The following KALRN variants were observed in gnomAD, a reference collection of about 807,000 sequenced individuals.
KALRN encodes kalirin RhoGEF kinase.
Under a neutral mutation model 353.7 loss-of-function variants are expected in KALRN, and 70 were observed. The observed-to-expected ratio is 0.20, with a 90% CI of 0.16 to 0.24. KALRN has a LOEUF of 0.24. KALRN is among the 10% of genes least tolerant of loss of function. The probability of loss-of-function intolerance (pLI) is 1.00; values close to 1 mark genes in which losing one functional copy is unlikely to be tolerated. For synonymous variants in KALRN, 1,391 were observed against 1,434.8 expected, an observed-to-expected ratio of 0.97 and a Z score of 0.69; for missense variants, 2,791 against 3,756.7, an observed-to-expected ratio of 0.74 and a Z score of 6.72.
chr3:124,565,072 G>C (rs1383830766), intron 34 of KALRN, among the ~76,000 whole-genome samples: 1 of 152,156 alleles, frequency 6.6e-6, no homozygotes, highest in Non-Finnish European at 1.5e-5. Context: ...AAAACACTCC[G>C]GTGTCTGGAG....
chr3:124,415,619 T>C (rs1169552890), intron 14 of KALRN, among the ~76,000 whole-genome samples: 1 of 152,140 alleles, frequency 6.6e-6, no homozygotes, highest in African/African-American at 2.4e-5. Flanking sequence ...AGTCTAAGGG[T>C]CAAAGAATTC....
intron 6 of KALRN, among the ~76,000 whole-genome samples, chr3:124,302,294 C>T (rs1356389891): frequency 6.6e-6 from 1 of 152,106 alleles, no homozygotes; most frequent in African/African-American, 2.4e-5. Flanking sequence ...TATATAATTA[C>T]AAACCAATAA....
At position 124,531,417 on chromosome 3, in the gene KALRN, G is replaced by A. The variant is rs113863747; in HGVS notation, c.4936-31426G>A. On this transcript the variant is annotated intron_variant, in intron 33 of 59. Coordinates refer to ENST00000682506, the MANE Select transcript of KALRN (RefSeq NM_001388419.1). The stretch of plus-strand genomic sequence containing the variant: ...TTTCCAATTTACACCTTGAAGTAGT[G>A]TTATTTATGTTTAGCTCATGGTTTG... Among the ~76,000 whole-genome samples the A allele has an allele frequency of 4.3e-3, 654 of 152,320 alleles. 3 individuals carry two copies. Among genetic ancestry groups the A allele is most frequent in the African/African-American group, 0.015 (641 of 41,584 alleles).
At chr3:124,183,420 T>A (rs1347342745) in intron 1 of KALRN, among the ~76,000 whole-genome samples, 3 of 152,044 alleles carry the variant, frequency 2.0e-5, no homozygotes, top group Non-Finnish European at 4.4e-5. Context: ...GGTGCTACAC[T>A]TTACAGTAAC....
intron 1 of KALRN, among the ~76,000 whole-genome samples, chr3:124,144,399 A>G (rs1484879414): frequency 1.3e-5 from 2 of 152,052 alleles, no homozygotes; most frequent in African/African-American, 4.8e-5. Flanking sequence ...CTTCTGTGTC[A>G]TCTGTGCATC....
chr3:124,694,112 C>G (rs909068454), intron 52 of KALRN, among the ~76,000 whole-genome samples: 1 of 152,134 alleles, frequency 6.6e-6, no homozygotes, highest in Non-Finnish European at 1.5e-5. Flanking sequence ...TGGAGCTTTT[C>G]TTTCTTTCTG....
At chr3:124,596,721 A>C (rs1198685228) in intron 34 of KALRN, among the ~76,000 whole-genome samples, 5 of 152,134 alleles carry the variant, frequency 3.3e-5, no homozygotes, top group African/African-American at 9.7e-5. Flanking sequence ...CCTGTGGTAA[A>C]TCTAGGTAGG....
chr3:124,689,257 A>T (rs1045550984), intron 51 of KALRN, among the ~76,000 whole-genome samples: 38 of 152,096 alleles, frequency 2.5e-4, no homozygotes, highest in African/African-American at 8.2e-4. Flanking sequence ...CCCAGGCAAC[A>T]GTTGCCCAGT....
At chr3:124,323,925 T>A (rs960476441) in intron 6 of KALRN, among the ~76,000 whole-genome samples, 3 of 152,164 alleles carry the variant, frequency 2.0e-5, no homozygotes, top group African/African-American at 7.2e-5. Flanking sequence ...GCTGCCTGCA[T>A]TTATCGGCGG....
At chr3:124,366,860 GGGGCGGCTGGCCGGGCGGGGGGCT>G (rs1331394977) in intron 10 of KALRN, among the ~76,000 whole-genome samples, 33 of 141,436 alleles carry the variant, frequency 2.3e-4, no homozygotes, top group Middle Eastern at 3.8e-3. Context: ...CCTCCCGGAC[GGGGCGGCTGGCCGGGCGGGGGGCT>G]GACCCCCCCA....
chr3:124,679,816 T>C lies in KALRN; in HGVS notation c.7377+299T>C, dbSNP rs1166219844. On this transcript the variant is annotated intron_variant, in intron 51 of 59. Transcript: ENST00000682506. ...GTAGAAAATATCCAATTTCATTATTTGAAACTTAGAACACATTTTTTCATG... is the reference window on the plus strand; with the variant it reads ...GTAGAAAATATCCAATTTCATTATTCGAAACTTAGAACACATTTTTTCATG... 6.7e-6 allele frequency: 3 copies of C among 446,434 alleles called. No homozygotes were observed. In the East Asian group the frequency reaches 1.4e-4, roughly 21 times the overall value. 27.7% of individuals were successfully genotyped at this position (446,434 alleles called of 1,614,324 possible).
intron 51 of KALRN, among the ~76,000 whole-genome samples, chr3:124,684,047 A>G (rs1171127988): frequency 6.6e-6 from 1 of 152,204 alleles, no homozygotes; most frequent in East Asian, 1.9e-4. Context: ...TTATACCACC[A>G]TCACCACTAT....
At chr3:124,325,874 A>G in intron 6 of KALRN, 106 bp from the exon 7 acceptor site, 1 of 865,950 alleles carries the variant, frequency 1.2e-6, no homozygotes. Flanking sequence ...AGCGTCTCTC[A>G]GACTTTTGTT....
At chr3:124,537,870 A>G (rs770771116) in intron 33 of KALRN, among the ~76,000 whole-genome samples, 6 of 152,220 alleles carry the variant, frequency 3.9e-5, no homozygotes, top group Non-Finnish European at 5.9e-5. Context: ...CTCACATTCT[A>G]TGACCTCTGT....
intron 6 of KALRN, among the ~76,000 whole-genome samples, chr3:124,304,923 C>T (rs1420718088): frequency 6.6e-6 from 1 of 152,180 alleles, no homozygotes; most frequent in Non-Finnish European, 1.5e-5. Context: ...TGGAGACTCC[C>T]TTCTACCCAG....
intron 1 of KALRN, among the ~76,000 whole-genome samples, chr3:124,068,007 T>A (rs1181691976): frequency 6.6e-6 from 1 of 152,070 alleles, no homozygotes; most frequent in Non-Finnish European, 1.5e-5. Context: ...CTTAAGGAGG[T>A]CAAACCATGG....
intron 7 of KALRN, 93 bp downstream of exon 7, chr3:124,326,264 G>A (rs2079899468): frequency 1.0e-6 from 1 of 1,002,186 alleles, no homozygotes; most frequent in African/African-American, 1.6e-5. Flanking sequence ...ACTCTCTATA[G>A]GGAGCTCCAC....
chr3:124,286,078 C>CTTT (rs1325238279), intron 5 of KALRN, among the ~76,000 whole-genome samples: 12 of 106,938 alleles, frequency 1.1e-4, no homozygotes, highest in Non-Finnish European at 1.5e-4. Flanking sequence ...TTCTTTCTTT[C>CTTT]CTTCCTTTCT....
rs60579271 is a variant in KALRN at position 124,181,076 on chromosome 3, CAAAAAAAA to C, written c.74-46896_74-46889del. On this transcript the variant is annotated intron_variant, in intron 1 of 59. Coordinates refer to ENST00000682506, the MANE Select transcript of KALRN (RefSeq NM_001388419.1). The stretch of plus-strand genomic sequence containing the variant: ...CAAAACCCCATCTCTACTAAAAATA[CAAAAAAAA>C]AAAAAAAAAAAAAAAAATTAGCCAG... Among the ~76,000 whole-genome samples, 131 of 55,288 alleles carry C rather than the reference CAAAAAAAA, an allele frequency of 2.4e-3. 1 individual carries two copies. The East Asian group carries it at 0.066, about 28-fold the overall frequency. 36.3% of individuals were successfully genotyped at this position (55,288 alleles called of 152,430 possible).
Sources: gnomAD v4.1 joint callset for allele counts (sites outside exome capture counted in the v4.1 genomes callset) on GRCh38, gnomAD v4.1.1 for gene constraint, MANE v1.5 for transcripts, NCBI Gene and HGNC (gene_info 2026-07-23, HGNC 2026-07-21) for gene names.